Variants in ZNF407 observed in about 807,000 individuals in gnomAD.
ZNF407 encodes zinc finger protein 407.
Under a neutral mutation model 131.2 loss-of-function variants are expected in ZNF407, and 17 were observed. That is an observed-to-expected ratio of 0.13 (90% confidence interval 0.09 to 0.19). The LOEUF (loss-of-function observed/expected upper bound fraction) is 0.19, where lower values mean the gene tolerates loss of function less well. Ranked by LOEUF, ZNF407 falls within the 10% of genes least tolerant of loss-of-function variation. The pLI, the probability that ZNF407 is intolerant of heterozygous loss-of-function variation, is 1.00. For synonymous variants in ZNF407, 1,156 were observed against 1,062.0 expected (o/e 1.09, Z -1.72); for missense variants, 2,681 against 2,830.6 (o/e 0.95, Z 1.20).
chr18:74,855,361 A>C lies in ZNF407; in HGVS notation c.4878-21836A>C, dbSNP rs531996974. On this transcript the variant is annotated intron_variant, in intron 4 of 8. Coordinates refer to ENST00000299687, the MANE Select transcript of ZNF407 (RefSeq NM_017757.3). Reference sequence around the variant, plus strand: ...TTTCAAAATGTGATCCATAATAATAAAGCAAAACGTATGTTTAAAATTGTT... The same window carrying C: ...TTTCAAAATGTGATCCATAATAATACAGCAAAACGTATGTTTAAAATTGTT... Among the ~76,000 whole-genome samples the C allele has an allele frequency of 3.3e-5, 5 of 152,288 alleles. No individual in the cohort carries two copies. The East Asian group carries it at 7.7e-4, about 24-fold the overall frequency.
Position 74,752,468 on chromosome 18 carries a change from G to T in ZNF407, c.4803-28960G>T, listed in dbSNP as rs545374567. Among the ~76,000 whole-genome samples the T allele has an allele frequency of 1.1e-4, 17 of 152,294 alleles. No individual in the cohort carries two copies. In the East Asian group the frequency reaches 3.3e-3, roughly 29 times the overall value. ...CTTGCCCATGCCTATGTCCTGAATG[G>T]TAGTGCCTAGGTTTTCTTCTAGGGT... On this transcript the variant is annotated intron_variant, in intron 3 of 8. Transcript: ENST00000299687.
chr18:74,963,959 A>G (rs1371702321), intron 8 of ZNF407, among the ~76,000 whole-genome samples: 2 of 152,232 alleles, frequency 1.3e-5, no homozygotes, highest in Non-Finnish European at 2.9e-5. Flanking sequence ...AACAGGCCTC[A>G]TTACAGCTGC....
intron 3 of ZNF407, among the ~76,000 whole-genome samples, chr18:74,660,795 C>T (rs1181969526): frequency 2.6e-5 from 4 of 152,094 alleles, no homozygotes; most frequent in African/African-American, 9.7e-5. Context: ...TTTGAAAGGG[C>T]AATGAATCTT....
At chr18:75,008,392 T>C (rs1215634121) in intron 8 of ZNF407, among the ~76,000 whole-genome samples, 1 of 152,146 alleles carries the variant, frequency 6.6e-6, no homozygotes, top group Non-Finnish European at 1.5e-5. Flanking sequence ...TATATAGTTA[T>C]GGGACATAAC....
chr18:74,802,438 A>G (rs533880295), intron 4 of ZNF407, among the ~76,000 whole-genome samples: 4 of 152,212 alleles, frequency 2.6e-5, no homozygotes, highest in Non-Finnish European at 5.9e-5. Context: ...ATTTTGTTGC[A>G]GATGAATAGT....
At chr18:74,985,527 A>G (rs1972642769) in intron 8 of ZNF407, among the ~76,000 whole-genome samples, 2 of 152,228 alleles carry the variant, frequency 1.3e-5, no homozygotes. Flanking sequence ...TCCTTAGGGA[A>G]AGCAAACAAA....
At chr18:74,892,568 A>G (rs1358959027) in intron 7 of ZNF407, among the ~76,000 whole-genome samples, 1 of 152,190 alleles carries the variant, frequency 6.6e-6, no homozygotes, top group African/African-American at 2.4e-5. Context: ...AAGTGAATGC[A>G]GGAGTGTCCA....
chr18:74,826,372 C>T (rs72975431), intron 4 of ZNF407, among the ~76,000 whole-genome samples: 2 of 152,046 alleles, frequency 1.3e-5, no homozygotes, highest in Non-Finnish European at 2.9e-5. Context: ...TCAGTCATAA[C>T]TTGTCAAAGT....
At chr18:74,668,465 C>T (rs1406745894) in intron 3 of ZNF407, among the ~76,000 whole-genome samples, 2 of 152,182 alleles carry the variant, frequency 1.3e-5, no homozygotes, top group Non-Finnish European at 2.9e-5. Flanking sequence ...ATCACAGTTA[C>T]GTCTCCACAG....
At position 74,632,885 on chromosome 18, in the gene ZNF407, G is replaced by C; in HGVS notation, c.1866G>C (p.Leu622=). The C allele has an allele frequency of 6.2e-7, 1 of 1,613,406 alleles. No individual in the cohort carries two copies. Residue 622 remains leucine, a synonymous_variant, in exon 2 of 9, where the codon CTG becomes CTC. Transcript: ENST00000299687. ...ATTTTCTTTGCACCCCTTGTAATCT[G>C]TTCTTTTTGTCTGAAAAAGATGTGG... ...NMHFLCTPCN[L]FFLSEKDVEE... is the part of the protein sequence containing the mutation.
intron 3 of ZNF407, among the ~76,000 whole-genome samples, chr18:74,736,560 AT>A (rs997579890): frequency 3.3e-5 from 5 of 152,054 alleles, no homozygotes; most frequent in Admixed American, 3.3e-4. Flanking sequence ...TTCCCTTAAC[AT>A]TTTTGCTTAA....
rs537241885 is a variant in ZNF407, at chr18:75,004,803, C to G, written c.5429-58347C>G. Reference sequence around the variant, plus strand: ...TCTGTTTTACTTTATGTTGCAAAGTCTTTCAAAGTAGTCCCAAGTGCTTTC... The same window carrying G: ...TCTGTTTTACTTTATGTTGCAAAGTGTTTCAAAGTAGTCCCAAGTGCTTTC... On this transcript the variant is annotated intron_variant, in intron 8 of 8. Coordinates refer to ENST00000299687, the MANE Select transcript of ZNF407 (RefSeq NM_017757.3). Among the ~76,000 whole-genome samples, 6 of 152,320 alleles carry G rather than the reference C, an allele frequency of 3.9e-5. No individual in the cohort carries two copies. In the East Asian group the frequency reaches 1.2e-3, roughly 29 times the overall value.
intron 3 of ZNF407, among the ~76,000 whole-genome samples, chr18:74,713,656 T>C (rs1297434600): frequency 6.6e-6 from 1 of 152,118 alleles, no homozygotes; most frequent in Non-Finnish European, 1.5e-5. Context: ...CTCTTATGTG[T>C]CATAATGAAT....
At chr18:74,930,879 G>C (rs575938164) in intron 8 of ZNF407, among the ~76,000 whole-genome samples, 184 of 152,292 alleles carry the variant, frequency 1.2e-3, no homozygotes, top group Non-Finnish European at 1.8e-3. Flanking sequence ...AGGAGACCTG[G>C]TTCCTTTGGC....
At chr18:75,061,145 T>G (rs1973628992) in intron 8 of ZNF407, 1 of 152,184 alleles carries the variant, frequency 6.6e-6, no homozygotes, top group Admixed American at 6.5e-5. Flanking sequence ...ATCCTAGCAA[T>G]AAATAATCTT....
At chr18:75,006,060 T>A (rs577255168) in intron 8 of ZNF407, among the ~76,000 whole-genome samples, 7 of 152,268 alleles carry the variant, frequency 4.6e-5, no homozygotes, top group African/African-American at 1.7e-4. Context: ...GAGAGAGGCA[T>A]GTCGGATGAA....
chr18:74,876,032 AT>A (rs1329523463), intron 4 of ZNF407, among the ~76,000 whole-genome samples: 1 of 152,224 alleles, frequency 6.6e-6, no homozygotes, highest in Admixed American at 6.5e-5. Context: ...AGGGAAGTTA[AT>A]TATTTGGACC....
At chr18:74,944,783 G>T (rs1399954612) in intron 8 of ZNF407, among the ~76,000 whole-genome samples, 3 of 152,200 alleles carry the variant, frequency 2.0e-5, no homozygotes, top group Non-Finnish European at 4.4e-5. Context: ...AGCAGAGAAG[G>T]GGGGAAGCCT....
Position 74,634,406 on chromosome 18 carries a change from T to C in ZNF407, c.3387T>C (p.Ile1129=). 1 of 1,613,616 alleles carries C rather than the reference T, an allele frequency of 6.2e-7. No individual in the cohort carries two copies. The highest frequency in any genetic ancestry group is 8.5e-7 in the Non-Finnish European group (1 of 1,179,864). ...CTAGAAATGCTGCAGATTGCTCTAT[T>C]TTAAATGAGAATACTAATTTAGATA... The part of the protein sequence containing the change: ...LKSRNAADCS[I]LNENTNLDMS... Residue 1129 remains isoleucine (I), a synonymous_variant, in exon 2 of 9, where the codon ATT becomes ATC. Transcript: ENST00000299687.
Sources: allele counts gnomAD v4.1 joint callset (sites outside exome capture counted in the v4.1 genomes callset), GRCh38; gene constraint gnomAD v4.1.1; transcripts MANE v1.5; gene names NCBI Gene and HGNC (gene_info 2026-07-23, HGNC 2026-07-21).